The following WBP4 variants were observed in gnomAD, a reference collection of about 807,000 sequenced individuals.
WBP4 encodes WW domain binding protein 4.
WBP4 carries 37 observed loss-of-function variants against 55.4 expected under a neutral mutation model. The observed-to-expected ratio is 0.67, with a 90% CI of 0.51 to 0.88. The LOEUF is 0.88. Ranked by LOEUF, WBP4 falls within the 40% of genes least tolerant of loss-of-function variation. The pLI is 0.00. For missense variants in WBP4, 398 were observed against 420.8 expected (o/e 0.95, Z 0.47); for synonymous variants, 142 against 140.2 (o/e 1.01, Z -0.09).
Position 41,061,565 on chromosome 13 carries a change from A to C in WBP4, c.-109A>C. ...GGACTGAGTAAGGTGTCTGGATCGGAGGGAGGTTCGGGTGGGCATCGGGCG... is the reference window on the plus strand; with the variant it reads ...GGACTGAGTAAGGTGTCTGGATCGGCGGGAGGTTCGGGTGGGCATCGGGCG... On this transcript the variant is annotated 5_prime_UTR_variant, in exon 1 of 10. Transcript: ENST00000379487. 2 of 1,548,054 alleles carry C rather than the reference A, an allele frequency of 1.3e-6. No individual in the cohort carries two copies. Among genetic ancestry groups the C allele is most frequent in the Non-Finnish European group, 1.8e-6 (2 of 1,125,746 alleles).
Position 41,067,447 on chromosome 13 carries a change from G to A in WBP4, c.263-1114G>A, listed in dbSNP as rs184859766. Among the ~76,000 whole-genome samples, 186 of 152,268 alleles carry A rather than the reference G, an allele frequency of 1.2e-3. 1 individual carries two copies. The highest frequency in any genetic ancestry group is 4.3e-3 in the African/African-American group (179 of 41,544). Reference sequence around the variant, plus strand: ...TGTAATCCCAGCAGTTTAGGAGGCCGGAGTGGGAGGATTGTTTGAGCCCAG... The same window carrying A: ...TGTAATCCCAGCAGTTTAGGAGGCCAGAGTGGGAGGATTGTTTGAGCCCAG... On this transcript the variant is annotated intron_variant, in intron 4 of 9. Coordinates refer to ENST00000379487, the MANE Select transcript of WBP4 (RefSeq NM_007187.5).
At chr13:41,071,486 A>C (rs747589134) in intron 5 of WBP4, 41 bp from the exon 6 acceptor site, 1 of 1,565,932 alleles carries the variant, frequency 6.4e-7, no homozygotes, top group African/African-American at 1.4e-5. Context: ...TATTTTTTTA[A>C]AGCAAAAAGA....
chr13:41,072,360 G>T (rs532034069), intron 6 of WBP4, among the ~76,000 whole-genome samples: 1 of 152,202 alleles, frequency 6.6e-6, no homozygotes, highest in Non-Finnish European at 1.5e-5. Flanking sequence ...TCACAGTTAT[G>T]CAGGCTGTAC....
At chr13:41,061,899 G>C (rs1283735675) in intron 1 of WBP4, among the ~76,000 whole-genome samples, 1 of 152,048 alleles carries the variant, frequency 6.6e-6, no homozygotes, top group Non-Finnish European at 1.5e-5. Flanking sequence ...GGCTCTAGGG[G>C]GAGGCCGGCG....
At chr13:41,061,825 A>C in intron 1 of WBP4, 150 bp downstream of exon 1, 3 of 1,339,640 alleles carry the variant, frequency 2.2e-6, no homozygotes, top group Middle Eastern at 2.6e-4. Flanking sequence ...CCAGACCTGC[A>C]GGGCCGGTTC....
Position 41,076,128 on chromosome 13 carries a change from C to T in WBP4, c.647C>T (p.Thr216Ile), listed in dbSNP as rs1005186303. 1.9e-6 allele frequency: 3 copies of T among 1,613,272 alleles called. No individual in the cohort carries two copies. The highest frequency in any genetic ancestry group is 2.5e-6 in the Non-Finnish European group (3 of 1,179,920). ...AAGGTCAATGAAAATTCACTTGGCA[C>T]CCTAGATGAATCCAAATCATCAGAT... ...SSKVNENSLG[T>I]LDESKSSDSH... Residue 216 changes from threonine (T) to isoleucine (I), a missense_variant, in exon 8 of 10, where the codon ACC (threonine) becomes ATC (isoleucine). Transcript: ENST00000379487.
intron 7 of WBP4, among the ~76,000 whole-genome samples, chr13:41,073,902 G>A (rs923646653): frequency 6.6e-6 from 1 of 151,746 alleles, no homozygotes; most frequent in Non-Finnish European, 1.5e-5. Flanking sequence ...AAATACTTAC[G>A]AAGCATGCAT....
intron 9 of WBP4, among the ~76,000 whole-genome samples, chr13:41,081,234 C>CATG (rs1314784977): frequency 6.6e-6 from 1 of 151,630 alleles, no homozygotes; most frequent in Non-Finnish European, 1.5e-5. Flanking sequence ...TGAGGTGGCT[C>CATG]ACGCCTGTAA....
At chr13:41,072,591 C>A (rs527615721) in intron 6 of WBP4, among the ~76,000 whole-genome samples, 191 bp from the exon 7 acceptor site, 13 of 152,320 alleles carry the variant, frequency 8.5e-5, no homozygotes, top group African/African-American at 3.1e-4. Context: ...CCCTGTGATG[C>A]AGTCACCTCC....
In WBP4 at chr13:41,069,809, T is replaced by C. The variant is rs536345968; in HGVS notation, c.439+1072T>C. On this transcript the variant is annotated intron_variant, in intron 5 of 9. Transcript: ENST00000379487. ...AGGAGAATCAATTGAACCCAGGAGA[T>C]GGAGTTTGCAGTGAGCCCAGATCGC... 1.5e-4 allele frequency among the ~76,000 whole-genome samples: 22 copies of C among 143,898 alleles called. No homozygotes were observed. The South Asian group carries it at 4.6e-3, about 30-fold the overall frequency. 94.4% of individuals were successfully genotyped at this position (143,898 alleles called of 152,430 possible).
intron 4 of WBP4, 145 bp downstream of exon 4, chr13:41,065,432 T>C: frequency 8.4e-7 from 1 of 1,197,008 alleles, no homozygotes; most frequent in South Asian, 2.0e-5. Flanking sequence ...TAGCCCTGTT[T>C]AGACTATGGA....
intron 8 of WBP4, 137 bp downstream of exon 8, chr13:41,076,374 G>A: frequency 1.5e-6 from 1 of 668,904 alleles, no homozygotes; most frequent in South Asian, 2.3e-5. Flanking sequence ...CACCTTCCGG[G>A]TTCAAGCAAT....
intron 9 of WBP4, among the ~76,000 whole-genome samples, chr13:41,082,084 A>G (rs1246980146): frequency 6.6e-6 from 1 of 152,116 alleles, no homozygotes; most frequent in Non-Finnish European, 1.5e-5. Flanking sequence ...CTGATTATTT[A>G]TAATTAATCA....
At position 41,065,190 on chromosome 13, in the gene WBP4, A is replaced by C; in HGVS notation, c.165A>C (p.Ala55=). The C allele has an allele frequency of 6.2e-7, 1 of 1,613,330 alleles. No individual in the cohort carries two copies. Among genetic ancestry groups the C allele is most frequent in the Non-Finnish European group, 8.5e-7 (1 of 1,179,674 alleles). ...SEIKQKSLDK[A]KEEEKASKEF... Reference sequence around the variant, plus strand: ...TTAAACAGAAAAGCCTGGATAAGGCAAAGGAAGAAGAAAAGGCATCAAAGG... The same window carrying C: ...TTAAACAGAAAAGCCTGGATAAGGCCAAGGAAGAAGAAAAGGCATCAAAGG... Residue 55 remains alanine (A), a synonymous_variant, in exon 4 of 10, where the codon GCA becomes GCC. Transcript: ENST00000379487.
chr13:41,077,845 A>G (rs906773232), intron 8 of WBP4, among the ~76,000 whole-genome samples: 17 of 152,170 alleles, frequency 1.1e-4, no homozygotes, highest in African/African-American at 3.9e-4. Flanking sequence ...ACCTATATCT[A>G]TATAATAATG....
At chr13:41,074,939 G>A (rs1392087546) in intron 7 of WBP4, among the ~76,000 whole-genome samples, 6 of 152,142 alleles carry the variant, frequency 3.9e-5, no homozygotes, top group African/African-American at 1.4e-4. Context: ...AGGTTACAGT[G>A]AGCTGAGATC....
chr13:41,075,466 C>CT (rs1878437930), intron 7 of WBP4, among the ~76,000 whole-genome samples: 1 of 152,180 alleles, frequency 6.6e-6, no homozygotes, highest in African/African-American at 2.4e-5. Context: ...ACTGCAGCCT[C>CT]TATTTCCTGG....
intron 6 of WBP4, among the ~76,000 whole-genome samples, chr13:41,072,267 A>G (rs1335396563): frequency 6.6e-6 from 1 of 152,094 alleles, no homozygotes; most frequent in African/African-American, 2.4e-5. Flanking sequence ...CCTAATACCC[A>G]GGTGTATTAG....
In WBP4 at chr13:41,083,854, G is replaced by T. The variant is rs1365101875; in HGVS notation, c.*940G>T. On this transcript the variant is annotated 3_prime_UTR_variant, in exon 10 of 10. Coordinates refer to ENST00000379487, the MANE Select transcript of WBP4 (RefSeq NM_007187.5). ...AAAGTAGAATTTTCTTCTTTAATCC[G>T]TTTAGTAGTTACCTCCCTTTTACTT... 1 of 151,974 alleles carries T rather than the reference G, an allele frequency of 6.6e-6. No homozygotes were observed. Among genetic ancestry groups the T allele is most frequent in the South Asian group, 2.1e-4 (1 of 4,822 alleles). 9.4% of individuals were successfully genotyped at this position (151,974 alleles called of 1,614,324 possible). A position where few individuals can be genotyped will look rare whatever the true frequency, so the allele number is the denominator to read the frequency against.
Sources: allele counts gnomAD v4.1 joint callset (sites outside exome capture counted in the v4.1 genomes callset), GRCh38; gene constraint gnomAD v4.1.1; transcripts MANE v1.5; gene names NCBI Gene and HGNC (gene_info 2026-07-23, HGNC 2026-07-21).